The following SKIL variants were observed in gnomAD, a reference collection of about 807,000 sequenced individuals.
SKIL encodes the protein SKI like proto-oncogene, also known as ski-like protein.
SKIL carries 20 observed loss-of-function variants against 69.6 expected under a neutral mutation model. The ratio of observed to expected loss-of-function variants is 0.29; its 90% CI spans 0.20 to 0.42. SKIL has a LOEUF of 0.42. Among genes scored for constraint, SKIL ranks in the 10% least tolerant of loss-of-function variants. The pLI is 1.00. For missense variants in SKIL, 745 were observed against 783.1 expected, an observed-to-expected ratio of 0.95 and a Z score of 0.58; for synonymous variants, 310 against 279.9, an observed-to-expected ratio of 1.11 and a Z score of -1.08.
At chr3:170,377,224 A>G (rs1220276169) in intron 2 of SKIL, among the ~76,000 whole-genome samples, 1 of 151,628 alleles carries the variant, frequency 6.6e-6, no homozygotes, top group African/African-American at 2.4e-5. Flanking sequence ...TCAAAATGTG[A>G]TGTTTCGTTT....
At chr3:170,362,697 C>T (rs892474615) in intron 2 of SKIL, among the ~76,000 whole-genome samples, 4 of 151,334 alleles carry the variant, frequency 2.6e-5, no homozygotes, top group Non-Finnish European at 5.9e-5. Flanking sequence ...TGTTTGTAGT[C>T]CCAGCTACTT....
intron 2 of SKIL, among the ~76,000 whole-genome samples, chr3:170,376,042 CTTTTTTT>C (rs869036195): frequency 2.6e-4 from 23 of 89,138 alleles, no homozygotes; most frequent in Middle Eastern, 0.016. Flanking sequence ...GCTGATTTTC[CTTTTTTT>C]TTTTTTTTTT....
chr3:170,386,299 T>A (rs1737629694), intron 4 of SKIL, among the ~76,000 whole-genome samples: 1 of 151,322 alleles, frequency 6.6e-6, no homozygotes, highest in South Asian at 2.1e-4. Context: ...CCCGGCTAAT[T>A]TTGTATTTTT....
In SKIL at chr3:170,357,778, TACGGCGGCGAC is replaced by T. The variant is rs1736004030; in HGVS notation, c.-634+16_-634+26del. The T allele has an allele frequency of 6.1e-6, 1 of 162,834 alleles. No homozygotes were observed. The allele number at this position is 162,834 out of a possible 1,614,324, so 10.1% of individuals were successfully genotyped here. A position where few individuals can be genotyped will look rare whatever the true frequency, so the allele number is the denominator to read the frequency against. On this transcript the variant is annotated intron_variant, in intron 1 of 6. Transcript: ENST00000259119. ...GGCGGGCACAGGTGCGGCTCCGGCTTACGGCGGCGACGCGGCGGAGGCGGCGGGAGGCCAGA... is the reference window on the plus strand; with the variant it reads ...GGCGGGCACAGGTGCGGCTCCGGCTTGCGGCGGAGGCGGCGGGAGGCCAGA...
At position 170,389,885 on chromosome 3, in the gene SKIL, C is replaced by T. The variant is rs564407998; in HGVS notation, c.1430-338C>T. Among the ~76,000 whole-genome samples the T allele has an allele frequency of 3.7e-4, 57 of 152,238 alleles. 1 individual carries two copies. Among genetic ancestry groups the T allele is most frequent in the African/African-American group, 1.3e-3 (56 of 41,548 alleles). The stretch of plus-strand genomic sequence containing the variant: ...TGCATTTCCATATGGATTTTAGAAA[C>T]TGCTTTTCAATTTCTGCAAAAAATC... On this transcript the variant is annotated intron_variant, in intron 4 of 6. Transcript: ENST00000259119.
At chr3:170,392,199 A>G in intron 6 of SKIL, 60 bp from the exon 7 acceptor site, 2 of 1,310,750 alleles carry the variant, frequency 1.5e-6, no homozygotes, top group Non-Finnish European at 2.1e-6. Flanking sequence ...TTTCTATGAT[A>G]TGAGGATTAA....
chr3:170,395,744 T>C lies in SKIL; in HGVS notation c.*3327T>C, dbSNP rs1738154145. The C allele has an allele frequency of 6.6e-6, 1 of 152,134 alleles. No individual in the cohort carries two copies. Among genetic ancestry groups the C allele is most frequent in the Admixed American group, 6.5e-5 (1 of 15,274 alleles). The allele number at this position is 152,134 out of a possible 1,614,324, so 9.4% of individuals were successfully genotyped here. On this transcript the variant is annotated 3_prime_UTR_variant, in exon 7 of 7. Coordinates refer to ENST00000259119, the MANE Select transcript of SKIL (RefSeq NM_005414.5). ...ATTCCTCATTTTTATTTGCCCTTTA[T>C]GCATTTAATCCACATGATAGGACAT...
chr3:170,360,701 C>T lies in SKIL; in HGVS notation c.370C>T (p.Leu124Phe), dbSNP rs757272736. The T allele has an allele frequency of 1.1e-5, 17 of 1,614,104 alleles. No homozygotes were observed. In the Admixed American group the frequency reaches 2.3e-4, roughly 22 times the overall value. The stretch of plus-strand genomic sequence containing the variant: ...CATGTCGCCTACTGTATTTCTGCCT[C>T]TTCCATCACCTCAGGTTCTTCCTGG... ...ESMSPTVFLP[L>F]PSPQVLPGPL... The change falls in exon 2 of 7, where the codon CTT (leucine) becomes TTT (phenylalanine). Residue 124 changes from leucine (L) to phenylalanine (F), a missense_variant. Transcript: ENST00000259119.
intron 2 of SKIL, among the ~76,000 whole-genome samples, chr3:170,361,799 C>G (rs536319296): frequency 6.7e-6 from 1 of 148,716 alleles, no homozygotes; most frequent in Non-Finnish European, 1.5e-5. Flanking sequence ...GTTGGCCAGG[C>G]TGGTCTTGAA....
intron 2 of SKIL, among the ~76,000 whole-genome samples, chr3:170,373,977 A>G (rs1270524755): frequency 6.6e-6 from 1 of 152,192 alleles, no homozygotes; most frequent in East Asian, 1.9e-4. Context: ...TAGCTTTTGT[A>G]TTTAGAAAGG....
chr3:170,388,973 A>C (rs1349659243), intron 4 of SKIL, among the ~76,000 whole-genome samples: 1 of 151,548 alleles, frequency 6.6e-6, no homozygotes, highest in African/African-American at 2.4e-5. Context: ...GGGTTCAACC[A>C]ATTTTTCTGT....
chr3:170,384,500 T>C, intron 3 of SKIL, 33 bp from the exon 4 acceptor site: 1 of 986,570 alleles, frequency 1.0e-6, no homozygotes, highest in South Asian at 1.5e-5. Context: ...TAATATGTAA[T>C]ATATGTCTTG....
chr3:170,372,932 A>C (rs1736858885), intron 2 of SKIL, among the ~76,000 whole-genome samples: 1 of 152,154 alleles, frequency 6.6e-6, no homozygotes, highest in Non-Finnish European at 1.5e-5. Context: ...AAATTTAAAA[A>C]TTAATCTTTA....
At chr3:170,365,106 C>T (rs578199886) in intron 2 of SKIL, among the ~76,000 whole-genome samples, 13 of 152,070 alleles carry the variant, frequency 8.5e-5, no homozygotes, top group African/African-American at 1.5e-4. Context: ...GTTTTAAAAA[C>T]GTACTCAGAA....
At position 170,384,753 on chromosome 3, in the gene SKIL, T is replaced by C; in HGVS notation, c.1417T>C (p.Cys473Arg). ...KMDLKTSREL[C>R]SRLDASISNN... ...GGATTTAAAAACAAGTAGAGAATTA[T>C]GTAGCCGTTTAGGTAAGTATTCAGA... The change falls in exon 4 of 7, where the codon TGT (cysteine) becomes CGT (arginine). Residue 473 changes from cysteine (C) to arginine (R), a missense_variant. By Grantham distance (180) the Cys-to-Arg change is radical (BLOSUM62 -3). Transcript: ENST00000259119. The C allele has an allele frequency of 6.5e-7, 1 of 1,548,102 alleles. No individual in the cohort carries two copies. The highest frequency in any genetic ancestry group is 8.9e-7 in the Non-Finnish European group (1 of 1,123,280).
chr3:170,375,944 T>C (rs1224707020), intron 2 of SKIL, among the ~76,000 whole-genome samples: 4 of 152,108 alleles, frequency 2.6e-5, no homozygotes, highest in African/African-American at 9.7e-5. Flanking sequence ...ACATCTAGAA[T>C]TCTTTCAGAT....
chr3:170,366,884 C>T (rs1416034890), intron 2 of SKIL, among the ~76,000 whole-genome samples: 1 of 151,918 alleles, frequency 6.6e-6, no homozygotes, highest in Non-Finnish European at 1.5e-5. Context: ...AGTGGATATT[C>T]AGCAAAATCA....
Position 170,395,886 on chromosome 3 carries a change from A to G in SKIL, c.*3469A>G, listed in dbSNP as rs990778200. 2 of 150,222 alleles carry G rather than the reference A, an allele frequency of 1.3e-5. No individual in the cohort carries two copies. Among genetic ancestry groups the G allele is most frequent in the African/African-American group, 4.9e-5 (2 of 41,080 alleles). The allele number at this position is 150,222 out of a possible 1,614,324, so 9.3% of individuals were successfully genotyped here. A position where few individuals can be genotyped will look rare whatever the true frequency, so the allele number is the denominator to read the frequency against. On this transcript the variant is annotated 3_prime_UTR_variant, in exon 7 of 7. Transcript: ENST00000259119. ...GCAATAAGGGACATAAAACTGCTGTATTATACATTGTGGAATTGAATAAAC... is the reference window on the plus strand; with the variant it reads ...GCAATAAGGGACATAAAACTGCTGTGTTATACATTGTGGAATTGAATAAAC...
intron 5 of SKIL, 110 bp downstream of exon 5, chr3:170,390,574 C>G: frequency 1.2e-6 from 1 of 804,034 alleles, no homozygotes; most frequent in Non-Finnish European, 2.0e-6. Flanking sequence ...GAAACCTCCA[C>G]CTCACAGGTT....
Sources: gnomAD v4.1 joint callset for allele counts (sites outside exome capture counted in the v4.1 genomes callset) on GRCh38, gnomAD v4.1.1 for gene constraint, MANE v1.5 for transcripts, NCBI Gene and HGNC (gene_info 2026-07-23, HGNC 2026-07-21) for gene names.